The following MBNL2 variants were observed in gnomAD, a reference collection of about 807,000 sequenced individuals.
MBNL2 encodes the protein muscleblind like splicing regulator 2, also known as muscleblind-like protein 2.
A neutral mutation model predicts 41.9 loss-of-function variants in MBNL2; 17 were observed. The ratio of observed to expected loss-of-function variants is 0.41; its 90% CI spans 0.28 to 0.61. MBNL2 has a LOEUF of 0.61. MBNL2 is among the 20% of genes least tolerant of loss of function. The probability of loss-of-function intolerance (pLI) is 0.35; values close to 1 mark genes in which losing one functional copy is unlikely to be tolerated. For synonymous variants in MBNL2, 195 were observed against 182.9 expected (o/e 1.07, Z -0.53); for missense variants, 336 against 505.6 (o/e 0.66, Z 3.22).
the MBNL2 span, among the ~76,000 whole-genome samples, chr13:97,175,473 A>AG: frequency 4.6e-5 from 7 of 152,178 alleles, no homozygotes; most frequent in African/African-American, 1.7e-4. Context: ...GATTGCAAAG[A>AG]GGACCCCATC....
At chr13:97,378,219 A>T (rs1283014888) in intron 8 of MBNL2, among the ~76,000 whole-genome samples, 1 of 152,240 alleles carries the variant, frequency 6.6e-6, no homozygotes, top group Non-Finnish European at 1.5e-5. Context: ...GGCATTTATC[A>T]TATGCTTACT....
At chr13:97,216,445 C>T (rs149313501), upstream of MBNL2, among the ~76,000 whole-genome samples, 118 of 152,194 alleles carry the variant, frequency 7.8e-4, 4 homozygotes, top group South Asian at 0.014. Context: ...GACAAAGAGG[C>T]GGGATAGGCT....
chr13:97,207,787 C>A, the MBNL2 span, among the ~76,000 whole-genome samples: 1 of 152,204 alleles, frequency 6.6e-6, no homozygotes, highest in African/African-American at 2.4e-5. Flanking sequence ...TTCAAAGTCT[C>A]ATCCAAGACA....
chr13:97,299,907 A>G (rs895811153), intron 2 of MBNL2, among the ~76,000 whole-genome samples: 1 of 152,216 alleles, frequency 6.6e-6, no homozygotes, highest in East Asian at 1.9e-4. Context: ...GCTTTTAACC[A>G]TATGGCCTAA....
At chr13:97,261,224 C>T (rs960849306) in intron 1 of MBNL2, among the ~76,000 whole-genome samples, 6 of 152,170 alleles carry the variant, frequency 3.9e-5, no homozygotes, top group Non-Finnish European at 7.3e-5. Context: ...TACAAACCCT[C>T]TTGGTGGGGA....
At chr13:97,256,560 TCA>T (rs1456942964) in intron 1 of MBNL2, among the ~76,000 whole-genome samples, 1 of 152,154 alleles carries the variant, frequency 6.6e-6, no homozygotes, top group Non-Finnish European at 1.5e-5. Flanking sequence ...CTGCAGGTTA[TCA>T]GAGTGGCCTT....
chr13:97,391,199 AAAT>A, intron 8 of MBNL2, 120 bp from the exon 9 acceptor site: 1 of 618,044 alleles, frequency 1.6e-6, no homozygotes, highest in Non-Finnish European at 2.9e-6. Flanking sequence ...AATTGCATCA[AAAT>A]AATGAGAGAT....
intron 7 of MBNL2, among the ~76,000 whole-genome samples, chr13:97,362,816 C>T (rs2063521127): frequency 6.6e-6 from 1 of 152,144 alleles, no homozygotes; most frequent in South Asian, 2.1e-4. Context: ...GTGACCAGGA[C>T]TTCAGATGTG....
intron 1 of MBNL2, among the ~76,000 whole-genome samples, chr13:97,231,277 C>T (rs556065797): frequency 4.6e-5 from 7 of 152,296 alleles, no homozygotes; most frequent in East Asian, 1.9e-4. Context: ...CATGTGCCTG[C>T]GAATCACCTG....
chr13:97,232,277 G>A (rs1191677226), intron 1 of MBNL2, among the ~76,000 whole-genome samples: 1 of 152,080 alleles, frequency 6.6e-6, no homozygotes, highest in Non-Finnish European at 1.5e-5. Context: ...CTAGAACCAG[G>A]AGTCAAGCTA....
chr13:97,386,417 T>C (rs2065926069), intron 8 of MBNL2, among the ~76,000 whole-genome samples: 1 of 152,240 alleles, frequency 6.6e-6, no homozygotes, highest in Non-Finnish European at 1.5e-5. Flanking sequence ...GGTCAAGTAA[T>C]ATGGAGCCCA....
Position 97,391,481 on chromosome 13 carries a change from A to G in MBNL2, c.*32A>G, listed in dbSNP as rs1213252288. The G allele has an allele frequency of 4.5e-6, 4 of 897,102 alleles. No homozygotes were observed. In the Middle Eastern group the frequency reaches 8.7e-4, roughly 194 times the overall value. The allele number at this position is 897,102 out of a possible 1,614,324, so 55.6% of individuals were successfully genotyped here. ...ATGTAGTTCTTCTGGACAGACCACA[A>G]CTCTAAGAAGCTAGTGCTGCTATCT... On this transcript the variant is annotated 3_prime_UTR_variant, in exon 9 of 9. Coordinates refer to ENST00000679496, the MANE Select transcript of MBNL2 (RefSeq NM_001382683.1).
intron 1 of MBNL2, among the ~76,000 whole-genome samples, chr13:97,224,180 C>T (rs951965201): frequency 2.0e-5 from 3 of 152,146 alleles, no homozygotes; most frequent in Admixed American, 6.5e-5. Flanking sequence ...TGCAGCCCAG[C>T]GCTGCCACCT....
At chr13:97,189,883 G>A in the MBNL2 span, among the ~76,000 whole-genome samples, 1 of 152,210 alleles carries the variant, frequency 6.6e-6, no homozygotes, top group Non-Finnish European at 1.5e-5. Context: ...CACAGCATGT[G>A]CAGCTGGTGA....
At chr13:97,242,019 C>T (rs867998881) in intron 1 of MBNL2, among the ~76,000 whole-genome samples, 4 of 152,110 alleles carry the variant, frequency 2.6e-5, no homozygotes, top group Non-Finnish European at 5.9e-5. Flanking sequence ...TGATTGAGGA[C>T]ACTTCCGATG....
chr13:97,226,855 C>A (rs1232899121), intron 1 of MBNL2, among the ~76,000 whole-genome samples: 12 of 151,988 alleles, frequency 7.9e-5, no homozygotes, highest in Non-Finnish European at 1.5e-4. Flanking sequence ...ATGGACATAT[C>A]ATCTAAAAAG....
intron 2 of MBNL2, among the ~76,000 whole-genome samples, chr13:97,331,195 A>G (rs1420055996): frequency 6.6e-6 from 1 of 152,246 alleles, no homozygotes; most frequent in Non-Finnish European, 1.5e-5. Flanking sequence ...CTCAGTGCTT[A>G]CTATGTGCTA....
upstream of MBNL2, among the ~76,000 whole-genome samples, chr13:97,220,023 A>G (rs2040723149): frequency 6.6e-6 from 1 of 152,222 alleles, no homozygotes; most frequent in Non-Finnish European, 1.5e-5. Flanking sequence ...TTGAAGAAGG[A>G]GGTTTAAGAA....
At chr13:97,264,936 G>A (rs762118917) in intron 1 of MBNL2, among the ~76,000 whole-genome samples, 79 of 152,188 alleles carry the variant, frequency 5.2e-4, no homozygotes, top group Admixed American at 2.2e-3. Context: ...CCAGGAAACC[G>A]GTAAGTGCAA....
Sources: allele counts gnomAD v4.1 joint callset (sites outside exome capture counted in the v4.1 genomes callset), GRCh38; gene constraint gnomAD v4.1.1; transcripts MANE v1.5; gene names NCBI Gene and HGNC (gene_info 2026-07-23, HGNC 2026-07-21).